The following MEGF10 variants were observed in gnomAD, a reference collection of about 807,000 sequenced individuals.
The protein encoded by MEGF10 is multiple EGF like domains 10, also known as multiple epidermal growth factor-like domains protein 10.
In MEGF10, 86 loss-of-function variants were observed where a neutral mutation model predicts 147.5. The observed-to-expected ratio is 0.58, with a 90% CI of 0.49 to 0.70. MEGF10 has a LOEUF of 0.70. Ranked by LOEUF, MEGF10 falls within the 30% of genes least tolerant of loss-of-function variation. The probability of loss-of-function intolerance (pLI) is 0.00; values close to 1 mark genes in which losing one functional copy is unlikely to be tolerated. For synonymous variants in MEGF10, 478 were observed against 525.5 expected, an observed-to-expected ratio of 0.91 and a Z score of 1.24; for missense variants, 1,329 against 1,487.3, an observed-to-expected ratio of 0.89 and a Z score of 1.75.
At chr5:127,250,943 A>G in the MEGF10 span, among the ~76,000 whole-genome samples, 4 of 152,048 alleles carry the variant, frequency 2.6e-5, no homozygotes, top group Admixed American at 2.6e-4. Context: ...TGTAAGATTC[A>G]TATGTTGAAA....
At chr5:127,309,599 C>G (rs1398517053) in intron 1 of MEGF10, among the ~76,000 whole-genome samples, 1 of 152,152 alleles carries the variant, frequency 6.6e-6, no homozygotes, top group African/African-American at 2.4e-5. Flanking sequence ...AAAGTCCAGC[C>G]AAGTTGTAGC....
At chr5:127,270,703 G>C in the MEGF10 span, among the ~76,000 whole-genome samples, 1 of 152,086 alleles carries the variant, frequency 6.6e-6, no homozygotes, top group African/African-American at 2.4e-5. Flanking sequence ...TGTTCTTCCT[G>C]ATCCTCTTCC....
At chr5:127,235,316 C>T in the MEGF10 span, among the ~76,000 whole-genome samples, 39 of 152,322 alleles carry the variant, frequency 2.6e-4, 1 homozygote, top group Admixed American at 1.8e-3. Context: ...TTATTCACCT[C>T]GGTGAGCACA....
At chr5:127,381,104 C>G (rs946919504) in intron 5 of MEGF10, among the ~76,000 whole-genome samples, 4 of 152,106 alleles carry the variant, frequency 2.6e-5, no homozygotes, top group Non-Finnish European at 5.9e-5. Context: ...ATTTTGCTAT[C>G]TAAACTTTCT....
intron 2 of MEGF10, among the ~76,000 whole-genome samples, chr5:127,333,189 G>A (rs747635295): frequency 6.6e-6 from 1 of 152,106 alleles, no homozygotes; most frequent in Non-Finnish European, 1.5e-5. Flanking sequence ...GATGTGAGAT[G>A]TGAACAGAGG....
chr5:127,442,683 A>AT (rs1161260816), intron 18 of MEGF10, among the ~76,000 whole-genome samples: 1 of 152,106 alleles, frequency 6.6e-6, no homozygotes, highest in Non-Finnish European at 1.5e-5. Flanking sequence ...GCCCTTAGTG[A>AT]TTATCTTCAT....
intron 1 of MEGF10, among the ~76,000 whole-genome samples, chr5:127,323,142 G>A (rs1288337045): frequency 6.6e-6 from 1 of 151,694 alleles, no homozygotes; most frequent in Non-Finnish European, 1.5e-5. Flanking sequence ...TACTGATCAG[G>A]GATAATCATA....
Position 127,448,956 on chromosome 5 carries a change from A to G in MEGF10, c.2857-143A>G. 6 of 1,002,576 alleles carry G rather than the reference A, an allele frequency of 6.0e-6. 1 individual carries two copies. In the South Asian group the frequency reaches 1.1e-4, roughly 19 times the overall value. 62.1% of individuals were successfully genotyped at this position (1,002,576 alleles called of 1,614,324 possible). A position where few individuals can be genotyped will look rare whatever the true frequency, so the allele number is the denominator to read the frequency against. ...AGCTTGCAAGTCCCACCAGGTTACA[A>G]GCAGTCACCTCGGCCCCTGAGCTCA... On this transcript the variant is annotated intron_variant, in intron 21 of 24. Transcript: ENST00000503335.
intron 4 of MEGF10, among the ~76,000 whole-genome samples, chr5:127,355,407 C>A (rs1025364495): frequency 2.0e-5 from 3 of 152,084 alleles, no homozygotes; most frequent in East Asian, 1.9e-4. Flanking sequence ...TCAAAGAGAG[C>A]CTGACTGACA....
chr5:127,423,943 T>C (rs1045660170), intron 13 of MEGF10, among the ~76,000 whole-genome samples: 26 of 152,176 alleles, frequency 1.7e-4, no homozygotes, highest in African/African-American at 6.3e-4. Context: ...TAAAAAAACA[T>C]TGCCTGATCC....
intron 5 of MEGF10, among the ~76,000 whole-genome samples, chr5:127,390,395 TC>T (rs779931541): frequency 6.6e-6 from 1 of 152,162 alleles, no homozygotes; most frequent in South Asian, 2.1e-4. Flanking sequence ...GCTCAAGTGA[TC>T]CTGCCACCTT....
intron 1 of MEGF10, among the ~76,000 whole-genome samples, chr5:127,298,590 G>A (rs1759620046): frequency 6.6e-6 from 1 of 152,186 alleles, no homozygotes; most frequent in South Asian, 2.1e-4. Context: ...TTTTAACAAG[G>A]TGTGCTGATG....
rs1028268849 is a variant in MEGF10, at chr5:127,460,176, A to G, written c.*2858A>G. 15 of 152,184 alleles carry G rather than the reference A, an allele frequency of 9.9e-5. No individual in the cohort carries two copies. Among genetic ancestry groups the G allele is most frequent in the African/African-American group, 2.7e-4 (11 of 41,462 alleles). The allele number at this position is 152,184 out of a possible 1,614,324, so 9.4% of individuals were successfully genotyped here. ...GATACTTAGCAAATGCCATTCATATAGTATTGTTAGCCAAACTATTATTCC... is the reference window on the plus strand; with the variant it reads ...GATACTTAGCAAATGCCATTCATATGGTATTGTTAGCCAAACTATTATTCC... On this transcript the variant is annotated 3_prime_UTR_variant, in exon 25 of 25. Coordinates refer to ENST00000503335, the MANE Select transcript of MEGF10 (RefSeq NM_001256545.2).
the MEGF10 span, among the ~76,000 whole-genome samples, chr5:127,283,316 T>C: frequency 0.04 from 6,090 of 152,316 alleles, 401 homozygotes; most frequent in African/African-American, 0.14. Flanking sequence ...TTGTAATAGA[T>C]GTATTCACTA....
intron 5 of MEGF10, among the ~76,000 whole-genome samples, chr5:127,380,067 G>GTT (rs5871252): frequency 0.24 from 36,001 of 147,304 alleles, 5,355 homozygotes; most frequent in African/African-American, 0.43. Context: ...TTGTTAACTT[G>GTT]TTTTTTTTTT....
intron 4 of MEGF10, among the ~76,000 whole-genome samples, chr5:127,368,264 GT>G (rs898338377): frequency 1.3e-5 from 2 of 152,134 alleles, no homozygotes; most frequent in African/African-American, 2.4e-5. Flanking sequence ...ATATTATGAG[GT>G]TGCTAAGCAC....
chr5:127,417,668 C>A lies in MEGF10; in HGVS notation c.1161C>A (p.Cys387Ter). The A allele has an allele frequency of 6.2e-7, 1 of 1,614,104 alleles. No individual in the cohort carries two copies. Among genetic ancestry groups the A allele is most frequent in the Non-Finnish European group, 8.5e-7 (1 of 1,180,010 alleles). Reference protein sequence around the residue: ...SCHPMSGECACKPGWSGLYCN... With the variant: ...SCHPMSGECA ...ACCCCATGTCTGGAGAGTGTGCCTG[C>A]AAGCCGGGCTGGTCAGGACTCTACT... Residue 387 changes from cysteine (C) to a stop codon, truncating the protein, a stop_gained, in exon 10 of 25, where the codon TGC becomes TGA. Coordinates refer to ENST00000503335, the MANE Select transcript of MEGF10 (RefSeq NM_001256545.2). LOFTEE classifies it high-confidence loss of function.
the MEGF10 span, among the ~76,000 whole-genome samples, chr5:127,240,889 C>T: frequency 6.6e-6 from 1 of 152,156 alleles, no homozygotes. Flanking sequence ...AATTTAATAA[C>T]AACATAAAAT....
At chr5:127,362,557 G>A (rs1444293896) in intron 4 of MEGF10, among the ~76,000 whole-genome samples, 1 of 151,702 alleles carries the variant, frequency 6.6e-6, no homozygotes, top group Non-Finnish European at 1.5e-5. Flanking sequence ...GTAGAGATGA[G>A]GTTTCACCGT....
Sources: allele counts gnomAD v4.1 joint callset (sites outside exome capture counted in the v4.1 genomes callset), GRCh38; gene constraint gnomAD v4.1.1; transcripts MANE v1.5; gene names NCBI Gene and HGNC (gene_info 2026-07-23, HGNC 2026-07-21).